GBE1: variants seen among roughly 807,000 people sequenced by gnomAD.
The protein encoded by GBE1 is 1,4-alpha-glucan branching enzyme 1, also known as 1,4-alpha-glucan-branching enzyme.
Under a neutral mutation model 88.8 loss-of-function variants are expected in GBE1, and 70 were observed. That is an observed-to-expected ratio of 0.79 (90% CI 0.65 to 0.96). GBE1 has a LOEUF of 0.96. GBE1 is among the 40% of genes least tolerant of loss of function. GBE1 has a pLI of 0.00. For missense variants in GBE1, 872 were observed against 871.0 expected (o/e 1.00, Z -0.01); for synonymous variants, 284 against 300.1 (o/e 0.95, Z 0.56).
intron 1 of GBE1, among the ~76,000 whole-genome samples, chr3:81,719,484 T>G (rs1705990669): frequency 6.6e-6 from 1 of 152,336 alleles, no homozygotes; most frequent in East Asian, 1.9e-4. Flanking sequence ...CCCAAAGTGC[T>G]GGGATTACAG....
At chr3:81,711,964 AAAC>A (rs1235380029) in intron 1 of GBE1, among the ~76,000 whole-genome samples, 1 of 152,162 alleles carries the variant, frequency 6.6e-6, no homozygotes, top group African/African-American at 2.4e-5. Flanking sequence ...TACAAGAAAA[AAAC>A]AACCCCATCA....
At position 81,576,716 on chromosome 3, in the gene GBE1, C is replaced by T. The variant is rs1368843025; in HGVS notation, c.1618+1209G>A. 2.6e-5 allele frequency among the ~76,000 whole-genome samples: 4 copies of T among 151,962 alleles called. No individual in the cohort carries two copies. In the East Asian group the frequency reaches 7.7e-4, roughly 29 times the overall value. ...TGATACCTGGCTGATGCGATACAGT[C>T]TCACAACTCAGGAAGGTCACTTCCT... On this transcript the variant is annotated intron_variant, in intron 12 of 15. Transcript: ENST00000429644.
intron 1 of GBE1, among the ~76,000 whole-genome samples, chr3:81,757,332 A>G (rs1489516337): frequency 1.3e-5 from 2 of 152,186 alleles, no homozygotes; most frequent in African/African-American, 4.8e-5. Flanking sequence ...AGAACTCAAG[A>G]GAAATGAGGA....
At chr3:81,545,602 G>A (rs916784929) in intron 12 of GBE1, among the ~76,000 whole-genome samples, 5 of 136,078 alleles carry the variant, frequency 3.7e-5, no homozygotes, top group Admixed American at 2.2e-4. Context: ...ATTCTTTGTT[G>A]ATATCAAGCA....
rs374576644 is a variant in GBE1, at chr3:81,594,042, A to G, written c.993-19T>C. ...TTCCCAGCTAAAATATAAGAGAAAT[A>G]TGTATTTAAGCAAAATGTGAAGAGC... On this transcript the variant is annotated intron_variant, in intron 7 of 15. Transcript: ENST00000429644. 2.0e-5 allele frequency: 25 copies of G among 1,244,206 alleles called. No homozygotes were observed. The African/African-American group carries it at 3.5e-4, about 17-fold the overall frequency. The allele number at this position is 1,244,206 out of a possible 1,614,324, so 77.1% of individuals were successfully genotyped here.
chr3:81,714,728 C>A (rs553360106), intron 1 of GBE1, among the ~76,000 whole-genome samples: 1 of 152,130 alleles, frequency 6.6e-6, no homozygotes, highest in Non-Finnish European at 1.5e-5. Flanking sequence ...ATAGACTGGA[C>A]GGTTTAAAAA....
At chr3:81,692,083 C>T (rs1038241443) in intron 2 of GBE1, among the ~76,000 whole-genome samples, 3 of 151,730 alleles carry the variant, frequency 2.0e-5, no homozygotes. Context: ...CATCTTCTTA[C>T]AACAAGGGAC....
chr3:81,611,052 G>A (rs1472254260), intron 7 of GBE1, among the ~76,000 whole-genome samples: 1 of 151,298 alleles, frequency 6.6e-6, no homozygotes, highest in East Asian at 1.9e-4. Context: ...GATTAAGTCA[G>A]GTTAGAAAAA....
At chr3:81,528,192 G>T (rs570166034) in intron 14 of GBE1, among the ~76,000 whole-genome samples, 212 of 129,694 alleles carry the variant, frequency 1.6e-3, no homozygotes, top group African/African-American at 5.8e-3. Flanking sequence ...ACAGGAAGGG[G>T]AACATCACAC....
intron 2 of GBE1, among the ~76,000 whole-genome samples, chr3:81,671,848 G>A (rs1289680108): frequency 6.6e-6 from 1 of 151,960 alleles, no homozygotes; most frequent in Admixed American, 6.6e-5. Context: ...ATCATAAATA[G>A]ATGAATCGAT....
At chr3:81,581,376 G>A in intron 10 of GBE1, 101 bp from the exon 11 acceptor site, 1 of 675,622 alleles carries the variant, frequency 1.5e-6, no homozygotes, top group Admixed American at 3.3e-5. Context: ...CAAACTATTT[G>A]ATAAGCACAT....
At chr3:81,657,133 TCAAAAAAAAAAAAAACAAAA>T (rs1299500308) in intron 3 of GBE1, among the ~76,000 whole-genome samples, 14 of 108,968 alleles carry the variant, frequency 1.3e-4, no homozygotes, top group Non-Finnish European at 2.3e-4. Flanking sequence ...TCCAGCCGTC[TCAAAAAAAAAAAAAACAAAA>T]CAAAAAAAAA....
intron 1 of GBE1, among the ~76,000 whole-genome samples, chr3:81,721,754 T>C (rs1706038901): frequency 6.6e-6 from 1 of 152,216 alleles, no homozygotes; most frequent in African/African-American, 2.4e-5. Flanking sequence ...TCTCAGCATG[T>C]TTCACCATGA....
chr3:81,628,288 A>G (rs544183418), intron 7 of GBE1, among the ~76,000 whole-genome samples: 1 of 152,270 alleles, frequency 6.6e-6, no homozygotes, highest in East Asian at 1.9e-4. Context: ...CAGGTGCAGC[A>G]TAGTCTCTAC....
At chr3:81,534,890 C>G (rs905941821) in intron 14 of GBE1, 6 of 247,318 alleles carry the variant, frequency 2.4e-5, no homozygotes, top group Non-Finnish European at 4.6e-5. Context: ...GATGTGGGGA[C>G]CTGGAGAGCA....
chr3:81,600,340 G>A (rs1040768160), intron 7 of GBE1, among the ~76,000 whole-genome samples: 2 of 151,928 alleles, frequency 1.3e-5, no homozygotes, highest in African/African-American at 4.8e-5. Context: ...TACACCCCTC[G>A]ATTTGATAAT....
At chr3:81,650,827 G>C (rs1210672748) in intron 3 of GBE1, among the ~76,000 whole-genome samples, 2 of 151,788 alleles carry the variant, frequency 1.3e-5, no homozygotes, top group African/African-American at 4.9e-5. Context: ...ACCATGCTCA[G>C]CTAATTTTGG....
chr3:81,658,524 G>A (rs1003564561), intron 3 of GBE1, among the ~76,000 whole-genome samples: 4 of 152,106 alleles, frequency 2.6e-5, no homozygotes, highest in African/African-American at 4.8e-5. Flanking sequence ...TCTGAAACCA[G>A]GTCCTGACTT....
intron 12 of GBE1, among the ~76,000 whole-genome samples, chr3:81,567,819 C>G (rs1008725928): frequency 1.3e-5 from 2 of 152,192 alleles, no homozygotes; most frequent in Admixed American, 1.3e-4. Context: ...CCTAGTCAAT[C>G]CTTAAAAAGC....
Sources: gnomAD v4.1 joint callset for allele counts (sites outside exome capture counted in the v4.1 genomes callset) on GRCh38, gnomAD v4.1.1 for gene constraint, MANE v1.5 for transcripts, NCBI Gene and HGNC (gene_info 2026-07-23, HGNC 2026-07-21) for gene names.